CEP104: variants seen among roughly 807,000 people sequenced by gnomAD.
CEP104 encodes centrosomal protein of 104 kDa.
CEP104 carries 84 observed loss-of-function variants against 113.3 expected under a neutral mutation model. That is an observed-to-expected ratio of 0.74 (90% CI 0.62 to 0.89). CEP104 has a LOEUF of 0.89. CEP104 is among the 40% of genes least tolerant of loss of function. The pLI, the probability that CEP104 is intolerant of heterozygous loss-of-function variation, is 0.00. For missense variants in CEP104, 1,053 were observed against 1,156.6 expected, an observed-to-expected ratio of 0.91 and a Z score of 1.30; for synonymous variants, 378 against 421.7, an observed-to-expected ratio of 0.90 and a Z score of 1.27.
chr1:3,850,221 G>T (rs544284169), intron 2 of CEP104, among the ~76,000 whole-genome samples: 45 of 152,204 alleles, frequency 3.0e-4, no homozygotes, highest in African/African-American at 1.0e-3. Flanking sequence ...TTCCAAAAAG[G>T]GCCTATGATT....
chr1:3,831,073 C>G lies in CEP104; in HGVS notation c.1809G>C (p.Ser603=). The change falls in exon 13 of 22, where the codon TCG becomes TCC. Residue 603 remains serine (S), a synonymous_variant. Transcript: ENST00000378230. ...RLLKDLGTGS[S]GFTIDNVMKF... The stretch of plus-strand genomic sequence containing the variant: ...TCATCACGTTGTCAATGGTGAAGCC[C>G]GAGCTGCCAGTGCCCAGGTCTTTCA... 1.2e-6 allele frequency: 2 copies of G among 1,613,984 alleles called. No individual in the cohort carries two copies. The highest frequency in any genetic ancestry group is 1.1e-5 in the South Asian group (1 of 91,064).
chr1:3,851,344 A>G (rs1644607230), intron 2 of CEP104, among the ~76,000 whole-genome samples: 1 of 152,178 alleles, frequency 6.6e-6, no homozygotes, highest in South Asian at 2.1e-4. Flanking sequence ...TGAGATTTAC[A>G]TTCAATTTTC....
chr1:3,854,265 T>C (rs1644668815), intron 1 of CEP104, among the ~76,000 whole-genome samples: 3 of 151,970 alleles, frequency 2.0e-5, no homozygotes, highest in East Asian at 1.9e-4. Context: ...TAAGTTCCTA[T>C]TGTGTGAACG....
chr1:3,832,736 G>A (rs1466704846), intron 12 of CEP104, among the ~76,000 whole-genome samples: 1 of 152,202 alleles, frequency 6.6e-6, no homozygotes, highest in Non-Finnish European at 1.5e-5. Flanking sequence ...CCAGGCTAGA[G>A]TACAGTGGCG....
chr1:3,834,067 A>G, intron 11 of CEP104, 32 bp from the exon 12 acceptor site: 1 of 1,551,060 alleles, frequency 6.4e-7, no homozygotes, highest in Non-Finnish European at 8.9e-7. Context: ...CGGATGAGTT[A>G]CTACGGTGCA....
chr1:3,821,422 C>A (rs769232783), intron 20 of CEP104, among the ~76,000 whole-genome samples: 29 of 152,224 alleles, frequency 1.9e-4, no homozygotes, highest in Non-Finnish European at 3.7e-4. Flanking sequence ...ATTCTGAAAA[C>A]CAGTAAACCA....
chr1:3,855,266 T>C (rs1644692983), intron 1 of CEP104, among the ~76,000 whole-genome samples: 2 of 149,296 alleles, frequency 1.3e-5, no homozygotes, highest in Admixed American at 1.4e-4. Flanking sequence ...ACTGTAACCA[T>C]GAACTCTCGG....
rs1644750858 is a variant in CEP104, at chr1:3,857,067, G to C, written c.-193C>G. On this transcript the variant is annotated 5_prime_UTR_variant, in exon 1 of 22. Coordinates refer to ENST00000378230, the MANE Select transcript of CEP104 (RefSeq NM_014704.4). ...TCGGCAGCCGCCGCTTCCTCAGACG[G>C]AACTCGGGGGGCGCCCCTTCCGCCG... 2 of 152,290 alleles carry C rather than the reference G, an allele frequency of 1.3e-5. No homozygotes were observed. The highest frequency in any genetic ancestry group is 1.3e-4 in the Admixed American group (2 of 15,286). The allele number at this position is 152,290 out of a possible 1,614,324, so 9.4% of individuals were successfully genotyped here. A position where few individuals can be genotyped will look rare whatever the true frequency, so the allele number is the denominator to read the frequency against.
chr1:3,818,589 C>T (rs4648412), intron 20 of CEP104, among the ~76,000 whole-genome samples: 97,718 of 152,104 alleles, frequency 0.64, 32,888 homozygotes, highest in African/African-American at 0.86. Flanking sequence ...GCCCGCCAGG[C>T]CATGCCCACT....
At chr1:3,853,894 A>C (rs1292795486) in intron 1 of CEP104, among the ~76,000 whole-genome samples, 2 of 152,204 alleles carry the variant, frequency 1.3e-5, no homozygotes, top group Non-Finnish European at 2.9e-5. Context: ...CAGGAGTTCG[A>C]GACCAGCCTG....
At chr1:3,852,199 G>C in intron 2 of CEP104, 96 bp downstream of exon 2, 1 of 1,216,730 alleles carries the variant, frequency 8.2e-7, no homozygotes, top group Non-Finnish European at 1.1e-6. Flanking sequence ...CCGAGTGATA[G>C]TAAAATCTGA....
At chr1:3,828,955 T>C (rs2124654321) in intron 15 of CEP104, among the ~76,000 whole-genome samples, 1 of 152,340 alleles carries the variant, frequency 6.6e-6, no homozygotes. Context: ...CCTTTGCCTC[T>C]GAAGGTGGCT....
chr1:3,829,398 T>C, intron 14 of CEP104, 25 bp from the exon 15 acceptor site: 1 of 1,562,394 alleles, frequency 6.4e-7, no homozygotes, highest in Non-Finnish European at 8.8e-7. Flanking sequence ...ATTTTTCCAT[T>C]AGAACAGCTT....
Position 3,823,268 on chromosome 1 carries a change from C to T in CEP104, c.2504-27G>A, listed in dbSNP as rs1050266704. On this transcript the variant is annotated intron_variant, in intron 19 of 21. Coordinates refer to ENST00000378230, the MANE Select transcript of CEP104 (RefSeq NM_014704.4). This position sits in a 1 kb window ranked among gnomAD's most constrained non-coding sequence, Gnocchi z 4.1. ...TGAAATGATTTTAAAAAGACTCAGTCGCTCCCTGAATGACAGGCGACAAGA... is the reference window on the plus strand; with the variant it reads ...TGAAATGATTTTAAAAAGACTCAGTTGCTCCCTGAATGACAGGCGACAAGA... The T allele has an allele frequency of 9.9e-6, 16 of 1,613,650 alleles. No individual in the cohort carries two copies. Among genetic ancestry groups the T allele is most frequent in the Admixed American group, 6.7e-5 (4 of 59,990 alleles).
chr1:3,822,983 G>A (rs1644008225), intron 20 of CEP104, 191 bp downstream of exon 20: 2 of 627,232 alleles, frequency 3.2e-6, no homozygotes, highest in Non-Finnish European at 5.7e-6. Flanking sequence ...TGTACGGAAG[G>A]AAATCATGTG....
chr1:3,845,026 G>A (rs1241694723), intron 5 of CEP104, 43 bp from the exon 6 acceptor site: 2 of 1,482,902 alleles, frequency 1.3e-6, no homozygotes, highest in Non-Finnish European at 9.4e-7. Flanking sequence ...GAGAGAAAGA[G>A]GAACAACACA....
rs774728948 is a variant in CEP104, at chr1:3,833,910, A to C, written c.1611T>G (p.Thr537=). 1 of 1,614,268 alleles carries C rather than the reference A, an allele frequency of 6.2e-7. No homozygotes were observed. Among genetic ancestry groups the C allele is most frequent in the South Asian group, 1.1e-5 (1 of 91,092 alleles). The change falls in exon 12 of 22, where the codon ACT becomes ACG. Residue 537 remains threonine, a synonymous_variant. Transcript: ENST00000378230. ...CGCGGAGGCGGGCAGAAGAATCTCC[A>C]GTTCTGGTGAGCAAAACGGGAATGG... ...ERTIPVLLTR[T]GDSSARLRVT...
intron 21 of CEP104, 112 bp downstream of exon 21, chr1:3,816,168 T>G: frequency 1.2e-6 from 1 of 862,466 alleles, no homozygotes; most frequent in East Asian, 2.9e-5. Flanking sequence ...ATGCTTTATT[T>G]TGCTTTTAAA....
chr1:3,838,221 T>C lies in CEP104; in HGVS notation c.892-702A>G, dbSNP rs528286233. Among the ~76,000 whole-genome samples the C allele has an allele frequency of 1.2e-4, 18 of 152,252 alleles. No individual in the cohort carries two copies. In the South Asian group the frequency reaches 3.5e-3, roughly 30 times the overall value. On this transcript the variant is annotated intron_variant, in intron 8 of 21. Coordinates refer to ENST00000378230, the MANE Select transcript of CEP104 (RefSeq NM_014704.4). ...AGGCTGGAGTGCAGTGGTGCGATCGTAGCTCACTGCAGCCTCGAACTTCTG... is the reference window on the plus strand; with the variant it reads ...AGGCTGGAGTGCAGTGGTGCGATCGCAGCTCACTGCAGCCTCGAACTTCTG...
Sources: allele counts gnomAD v4.1 joint callset (sites outside exome capture counted in the v4.1 genomes callset), GRCh38; gene constraint gnomAD v4.1.1; non-coding constraint Gnocchi (gnomAD v3.1); transcripts MANE v1.5; gene names NCBI Gene and HGNC (gene_info 2026-07-23, HGNC 2026-07-21).